The following SLC35F1 variants were observed in gnomAD, a reference collection of about 807,000 sequenced individuals.
SLC35F1 encodes chromosome 6 open reading frame 169.
A neutral mutation model predicts 48.7 loss-of-function variants in SLC35F1; 14 were observed. The ratio of observed to expected loss-of-function variants is 0.29; its 90% CI spans 0.19 to 0.45. SLC35F1 has a LOEUF of 0.45. Ranked by LOEUF, SLC35F1 falls within the 20% of genes least tolerant of loss-of-function variation. The pLI is 1.00. For missense variants in SLC35F1, 404 were observed against 500.0 expected, an observed-to-expected ratio of 0.81 and a Z score of 1.83; for synonymous variants, 190 against 202.2, an observed-to-expected ratio of 0.94 and a Z score of 0.51.
intron 1 of SLC35F1, among the ~76,000 whole-genome samples, chr6:118,076,380 G>C (rs114221554): frequency 0.011 from 1,746 of 152,248 alleles, 36 homozygotes; most frequent in African/African-American, 0.041. Context: ...AGCTACCTGA[G>C]ACTGCATAGT....
At chr6:118,310,074 C>A (rs772325838) in intron 7 of SLC35F1, among the ~76,000 whole-genome samples, 8 of 152,208 alleles carry the variant, frequency 5.3e-5, no homozygotes, top group Non-Finnish European at 1.2e-4. Context: ...TTCTCAGATT[C>A]TTAGAGCTTC....
At chr6:118,251,449 C>T (rs1238907550) in intron 3 of SLC35F1, among the ~76,000 whole-genome samples, 5 of 152,002 alleles carry the variant, frequency 3.3e-5, no homozygotes, top group African/African-American at 1.2e-4. Flanking sequence ...ACTAACAACT[C>T]TTGTATAACT....
At position 118,087,491 on chromosome 6, in the gene SLC35F1, T is replaced by G. The variant is rs180774536; in HGVS notation, c.174-66954T>G. ...TCAGAATTAGAGTCACAGTCACATT[T>G]GTGGAGTGGTTTTTGTTGTTTGTTT... On this transcript the variant is annotated intron_variant, in intron 1 of 7. Coordinates refer to ENST00000360388, the MANE Select transcript of SLC35F1 (RefSeq NM_001029858.4). Among the ~76,000 whole-genome samples, 200 of 152,256 alleles carry G rather than the reference T, an allele frequency of 1.3e-3. 2 individuals carry two copies. The highest frequency in any genetic ancestry group is 2.1e-3 in the Non-Finnish European group (144 of 68,012).
chr6:118,021,734 A>G (rs182124296), intron 1 of SLC35F1, among the ~76,000 whole-genome samples: 2 of 152,298 alleles, frequency 1.3e-5, no homozygotes, highest in East Asian at 1.9e-4. Context: ...TTATTGGCGC[A>G]TGATTTTGTG....
intron 1 of SLC35F1, among the ~76,000 whole-genome samples, chr6:117,992,249 T>C (rs1355273801): frequency 6.6e-6 from 1 of 152,186 alleles, no homozygotes; most frequent in African/African-American, 2.4e-5. Context: ...TTTACTTTCA[T>C]TTATGAGATA....
Position 117,935,054 on chromosome 6 carries a change from C to T in SLC35F1, c.173+27155C>T, listed in dbSNP as rs564408906. Among the ~76,000 whole-genome samples the T allele has an allele frequency of 9.2e-5, 14 of 152,304 alleles. 1 individual carries two copies. In the South Asian group the frequency reaches 2.7e-3, roughly 29 times the overall value. Reference sequence around the variant, plus strand: ...CCTGGGAGGCAGAGGTTGCAGTTAGCTAAGATCACACCATTGCACTCCAGC... The same window carrying T: ...CCTGGGAGGCAGAGGTTGCAGTTAGTTAAGATCACACCATTGCACTCCAGC... On this transcript the variant is annotated intron_variant, in intron 1 of 7. Coordinates refer to ENST00000360388, the MANE Select transcript of SLC35F1 (RefSeq NM_001029858.4).
intron 2 of SLC35F1, among the ~76,000 whole-genome samples, chr6:118,215,600 GA>G (rs1328873701): frequency 6.6e-6 from 1 of 152,194 alleles, no homozygotes; most frequent in Non-Finnish European, 1.5e-5. Context: ...ATGATGGACA[GA>G]GAGGTGAGGC....
intron 3 of SLC35F1, among the ~76,000 whole-genome samples, chr6:118,259,427 A>G (rs186421537): frequency 5.3e-4 from 80 of 152,136 alleles, no homozygotes; most frequent in African/African-American, 1.9e-3. Flanking sequence ...AGAAGCTCAT[A>G]TTTAAGTGTG....
At chr6:118,133,139 A>G (rs1477808943) in intron 1 of SLC35F1, among the ~76,000 whole-genome samples, 2 of 152,190 alleles carry the variant, frequency 1.3e-5, no homozygotes, top group South Asian at 4.1e-4. Flanking sequence ...TCTGCATGAC[A>G]CTTGAAAGGA....
chr6:118,101,878 C>A (rs1773263064), intron 1 of SLC35F1, among the ~76,000 whole-genome samples: 1 of 152,212 alleles, frequency 6.6e-6, no homozygotes, highest in Non-Finnish European at 1.5e-5. Context: ...TCCCTTTTCT[C>A]TGAAATTGAA....
At chr6:118,267,301 C>T in intron 4 of SLC35F1, 147 bp downstream of exon 4, 1 of 941,768 alleles carries the variant, frequency 1.1e-6, no homozygotes, top group African/African-American at 1.6e-5. Context: ...TTCCCCACAC[C>T]TGAAACAGGG....
chr6:117,932,872 C>T (rs1308308630), intron 1 of SLC35F1, among the ~76,000 whole-genome samples: 1 of 152,148 alleles, frequency 6.6e-6, no homozygotes, highest in Non-Finnish European at 1.5e-5. Context: ...CAGCAGTTTT[C>T]CCAAGGCTTA....
At chr6:118,230,384 C>T (rs1226108135) in intron 2 of SLC35F1, among the ~76,000 whole-genome samples, 1 of 151,658 alleles carries the variant, frequency 6.6e-6, no homozygotes, top group Non-Finnish European at 1.5e-5. Flanking sequence ...TCTTTTACTG[C>T]ATTGTTTGAA....
In SLC35F1 at chr6:118,314,231, G is replaced by A. The variant is rs372051123; in HGVS notation, c.1206G>A (p.Glu402=). Residue 402 remains glutamate, a synonymous_variant, in exon 8 of 8, where the codon GAG becomes GAA. Coordinates refer to ENST00000360388, the MANE Select transcript of SLC35F1 (RefSeq NM_001029858.4). ...YTSLGQETEE[E]PHVRVA is the part of the protein sequence containing the mutation. ...GCCTGGGCCAGGAGACCGAAGAGGAGCCTCATGTTCGTGTGGCCTAGGGTG... is the reference window on the plus strand; with the variant it reads ...GCCTGGGCCAGGAGACCGAAGAGGAACCTCATGTTCGTGTGGCCTAGGGTG... The A allele has an allele frequency of 4.8e-5, 78 of 1,614,090 alleles. No individual in the cohort carries two copies. Among genetic ancestry groups the A allele is most frequent in the Non-Finnish European group, 6.1e-5 (72 of 1,180,032 alleles).
chr6:118,176,943 T>G (rs995398210), intron 2 of SLC35F1, among the ~76,000 whole-genome samples: 1 of 152,098 alleles, frequency 6.6e-6, no homozygotes, highest in African/African-American at 2.4e-5. Context: ...TCAATTGATT[T>G]TCTTACATCC....
rs141996190 is a variant in SLC35F1 at position 117,980,684 on chromosome 6, A to C, written c.173+72785A>C. On this transcript the variant is annotated intron_variant, in intron 1 of 7. Coordinates refer to ENST00000360388, the MANE Select transcript of SLC35F1 (RefSeq NM_001029858.4). ...CACATGAAATAAGTAATCAGAGTAC[A>C]CTGTAGTAAAGACTAACTAGAAATA... 6.8e-3 allele frequency among the ~76,000 whole-genome samples: 1,041 copies of C among 152,316 alleles called. 11 individuals carry two copies. Among genetic ancestry groups the C allele is most frequent in the African/African-American group, 0.023 (951 of 41,550 alleles).
chr6:117,999,820 C>A (rs1231135141), intron 1 of SLC35F1, among the ~76,000 whole-genome samples: 2 of 151,820 alleles, frequency 1.3e-5, no homozygotes, highest in East Asian at 3.9e-4. Context: ...ACTACAAACA[C>A]CTCTACGCAA....
At chr6:118,226,899 C>T (rs1295350395) in intron 2 of SLC35F1, among the ~76,000 whole-genome samples, 1 of 152,112 alleles carries the variant, frequency 6.6e-6, no homozygotes, top group Admixed American at 6.5e-5. Context: ...ATGGTTATCC[C>T]AGTTACCCTA....
intron 1 of SLC35F1, among the ~76,000 whole-genome samples, chr6:117,933,298 C>A (rs78342174): frequency 6.6e-6 from 1 of 152,136 alleles, no homozygotes; most frequent in African/African-American, 2.4e-5. Flanking sequence ...TTTGCTGCCT[C>A]CTGACAAAAG....
Sources: gnomAD v4.1 joint callset for allele counts (sites outside exome capture counted in the v4.1 genomes callset) on GRCh38, gnomAD v4.1.1 for gene constraint, MANE v1.5 for transcripts, NCBI Gene and HGNC (gene_info 2026-07-23, HGNC 2026-07-21) for gene names.